Variants in LIMK2 observed in about 807,000 individuals in gnomAD.
LIMK2 encodes the protein LIM domain kinase 2.
Under a neutral mutation model 75.7 loss-of-function variants are expected in LIMK2, and 35 were observed. The observed-to-expected ratio is 0.46, with a 90% CI of 0.35 to 0.61. The LOEUF is 0.61. Among genes scored for constraint, LIMK2 ranks in the 20% least tolerant of loss-of-function variants. LIMK2 has a pLI of 0.00. For synonymous variants in LIMK2, 301 were observed against 319.2 expected (o/e 0.94, Z 0.61); for missense variants, 623 against 831.0 (o/e 0.75, Z 3.08).
intron 3 of LIMK2, chr22:31,258,768 T>C: frequency 7.8e-6 from 3 of 383,046 alleles, no homozygotes; most frequent in Non-Finnish European, 4.8e-6. Flanking sequence ...GACTCTGGAA[T>C]AGGCTGGCAG....
chr22:31,268,188 C>T lies in LIMK2; in HGVS notation c.1305C>T (p.Ile435=), dbSNP rs188525425. 3.2e-5 allele frequency: 51 copies of T among 1,613,792 alleles called. No homozygotes were observed. In the East Asian group the frequency reaches 9.6e-4, roughly 30 times the overall value. ...WQQKVRFAKG[I]ASGMAYLHSM... ...AGAAGGTCAGGTTTGCCAAAGGAAT[C>T]GCCTCCGGAATGGTGAGTCCCACCA... The change falls in exon 11 of 16, where the codon ATC becomes ATT. Residue 435 remains isoleucine, a synonymous_variant. Coordinates refer to ENST00000331728, the MANE Select transcript of LIMK2 (RefSeq NM_005569.4).
chr22:31,214,227 G>A (rs936604031), intron 1 of LIMK2, among the ~76,000 whole-genome samples: 1 of 152,148 alleles, frequency 6.6e-6, no homozygotes, highest in African/African-American at 2.4e-5. Flanking sequence ...GAGGCATAAA[G>A]CCTCTAGATG....
At chr22:31,226,303 A>G (rs2048477411) in intron 2 of LIMK2, among the ~76,000 whole-genome samples, 1 of 151,120 alleles carries the variant, frequency 6.6e-6, no homozygotes, top group Non-Finnish European at 1.5e-5. Flanking sequence ...GCTGGGTTCA[A>G]GTGATTTTTC....
intron 15 of LIMK2, chr22:31,277,003 A>G (rs765979742): frequency 3.1e-6 from 5 of 1,613,824 alleles, no homozygotes; most frequent in African/African-American, 1.3e-5. Flanking sequence ...GCTCCTGGAC[A>G]TGGAGAGTGA....
At chr22:31,217,518 A>G (rs532216641) in intron 1 of LIMK2, among the ~76,000 whole-genome samples, 88 of 152,330 alleles carry the variant, frequency 5.8e-4, no homozygotes, top group African/African-American at 2.0e-3. Flanking sequence ...TAGTTCTTTA[A>G]GACTAGTCCT....
chr22:31,263,971 C>T (rs2048866427), intron 7 of LIMK2, among the ~76,000 whole-genome samples: 1 of 152,054 alleles, frequency 6.6e-6, no homozygotes, highest in African/African-American at 2.4e-5. Context: ...GCTTGGGCAA[C>T]AGAGTGAGAC....
intron 7 of LIMK2, among the ~76,000 whole-genome samples, chr22:31,264,689 G>C (rs1031075683): frequency 6.6e-6 from 1 of 152,172 alleles, no homozygotes; most frequent in African/African-American, 2.4e-5. Context: ...TTGGGAGGCC[G>C]AGGCGGGCAA....
In LIMK2 at chr22:31,265,975, G is replaced by C. The variant is rs1182112845; in HGVS notation, c.884G>C (p.Gly295Ala). ...AGTAACAGTATCTCCAAGTCCCCTG[G>C]CCCCAGCTCCCCAAAGGAGCCCCTG... ...RRSNSISKSP[G>A]PSSPKEPLLF... Residue 295 changes from glycine to alanine, a missense_variant, in exon 8 of 16, where the codon GGC (glycine) becomes GCC (alanine). By Grantham distance (60) the Gly-to-Ala change is moderately conservative (BLOSUM62 0). Around this residue, in one of 3 missense-constraint regions of LIMK2, gnomAD observed 514 missense variants for 661.3 expected, o/e 0.78. Transcript: ENST00000331728. The C allele has an allele frequency of 6.2e-7, 1 of 1,614,020 alleles. No homozygotes were observed. Among genetic ancestry groups the C allele is most frequent in the Non-Finnish European group, 8.5e-7 (1 of 1,179,998 alleles).
chr22:31,276,980 T>C (rs774142214), intron 15 of LIMK2: 8 of 1,613,784 alleles, frequency 5.0e-6, no homozygotes, highest in Non-Finnish European at 5.9e-6. Flanking sequence ...GAACTAGAGA[T>C]TGACGTGGAT....
At chr22:31,217,634 A>G (rs1160162759) in intron 1 of LIMK2, among the ~76,000 whole-genome samples, 3 of 152,180 alleles carry the variant, frequency 2.0e-5, no homozygotes, top group African/African-American at 7.2e-5. Flanking sequence ...ACTGGCAGAG[A>G]ACTGCTGTAT....
chr22:31,268,285 C>A, intron 11 of LIMK2, 85 bp downstream of exon 11: 2 of 1,111,254 alleles, frequency 1.8e-6, no homozygotes, highest in Non-Finnish European at 2.8e-6. Context: ...GTAGAGACCC[C>A]TTCCTATGCA....
chr22:31,267,917 C>T lies in LIMK2; in HGVS notation c.1260+10C>T. ...CTTTCTGCGCAGTATGGTGAGCACACCACCCCATAGTCTCCAGGAGCCTTG... is the reference window on the plus strand; with the variant it reads ...CTTTCTGCGCAGTATGGTGAGCACATCACCCCATAGTCTCCAGGAGCCTTG... On this transcript the variant is annotated intron_variant, in intron 10 of 15. Transcript: ENST00000331728. 6.3e-7 allele frequency: 1 copy of T among 1,588,858 alleles called. No homozygotes were observed. Among genetic ancestry groups the T allele is most frequent in the Non-Finnish European group, 8.6e-7 (1 of 1,169,404 alleles).
rs370469164 is a variant in LIMK2, at chr22:31,259,137, A to G, written c.269A>G (p.Lys90Arg). The change falls in exon 4 of 16, where the codon AAG becomes AGG. Residue 90 changes from lysine to arginine, a missense_variant. This residue lies in a region of LIMK2 where 514 missense variants were observed against 661.3 expected (regional missense o/e 0.78). Coordinates refer to ENST00000331728, the MANE Select transcript of LIMK2 (RefSeq NM_005569.4). ...TGCTCACAGGTGGCTGGGGAGTTCA[A>G]GTACCACCCAGAGTGCTTTGCCTGT... is the stretch of plus-strand genomic sequence containing the variant. ...TGPFMVAGEFKYHPECFACMS... is the reference protein window; with the variant it reads ...TGPFMVAGEFRYHPECFACMS... 6 of 1,611,842 alleles carry G rather than the reference A, an allele frequency of 3.7e-6. No homozygotes were observed. Among genetic ancestry groups the G allele is most frequent in the South Asian group, 2.2e-5 (2 of 91,030 alleles).
chr22:31,248,087 T>C (rs552769776), intron 2 of LIMK2, among the ~76,000 whole-genome samples: 5 of 152,018 alleles, frequency 3.3e-5, no homozygotes, highest in African/African-American at 1.2e-4. Context: ...ATTACTGTCC[T>C]GTAGGCAGCT....
intron 12 of LIMK2, 115 bp from the exon 13 acceptor site, chr22:31,272,415 C>A: frequency 1.0e-6 from 1 of 966,696 alleles, no homozygotes; most frequent in Non-Finnish European, 1.5e-6. Flanking sequence ...TCTGATTCTC[C>A]CTTGCTATAC....
At chr22:31,223,661 C>A (rs919962844) in intron 1 of LIMK2, among the ~76,000 whole-genome samples, 1 of 152,170 alleles carries the variant, frequency 6.6e-6, no homozygotes, top group Non-Finnish European at 1.5e-5. Context: ...CGTAACCCAA[C>A]CTGGGATTGG....
At chr22:31,264,086 C>G (rs772613214) in intron 7 of LIMK2, among the ~76,000 whole-genome samples, 13 of 152,162 alleles carry the variant, frequency 8.5e-5, no homozygotes, top group Non-Finnish European at 1.6e-4. Context: ...AAACAGTGCC[C>G]TCTCATTAAA....
intron 2 of LIMK2, 86 bp downstream of exon 2, chr22:31,225,905 T>C: frequency 9.9e-7 from 1 of 1,012,730 alleles, no homozygotes; most frequent in South Asian, 1.4e-5. Context: ...AGAAACAAGC[T>C]TCTGAGTTGA....
At chr22:31,232,406 G>A (rs2048537180) in intron 2 of LIMK2, among the ~76,000 whole-genome samples, 1 of 152,134 alleles carries the variant, frequency 6.6e-6, no homozygotes, top group Non-Finnish European at 1.5e-5. Context: ...TCCATCTCAT[G>A]GAGTAGTTGT....
Sources: allele counts gnomAD v4.1 joint callset (sites outside exome capture counted in the v4.1 genomes callset), GRCh38; gene constraint gnomAD v4.1.1; regional missense constraint gnomAD v4.1.1; transcripts MANE v1.5; gene names NCBI Gene and HGNC (gene_info 2026-07-23, HGNC 2026-07-21).